ELAVL4: variants seen among roughly 807,000 people sequenced by gnomAD.
The protein encoded by ELAVL4 is ELAV like RNA binding protein 4.
Under a neutral mutation model 35.6 loss-of-function variants are expected in ELAVL4, and 1 was observed. That is an observed-to-expected ratio of 0.03 (90% CI 0.01 to 0.13). The LOEUF is 0.13. Ranked by LOEUF, ELAVL4 falls within the 10% of genes least tolerant of loss-of-function variation. The pLI, the probability that ELAVL4 is intolerant of heterozygous loss-of-function variation, is 1.00. For missense variants in ELAVL4, 267 were observed against 464.9 expected, an observed-to-expected ratio of 0.57 and a Z score of 3.91; for synonymous variants, 156 against 171.0, an observed-to-expected ratio of 0.91 and a Z score of 0.69.
At chr1:50,196,694 C>T (rs1557867714) in intron 5 of ELAVL4, among the ~76,000 whole-genome samples, 1 of 152,136 alleles carries the variant, frequency 6.6e-6, no homozygotes, top group African/African-American at 2.4e-5. Context: ...TTAATGATTT[C>T]ATGAAGAGTC....
intron 1 of ELAVL4, among the ~76,000 whole-genome samples, chr1:50,089,021 T>C (rs1000921990): frequency 1.3e-5 from 2 of 152,102 alleles, no homozygotes; most frequent in African/African-American, 4.8e-5. Flanking sequence ...AGGCTTGAAG[T>C]CTCCACAGCA....
At chr1:50,150,254 C>G (rs2148710991) in intron 2 of ELAVL4, among the ~76,000 whole-genome samples, 1 of 152,274 alleles carries the variant, frequency 6.6e-6, no homozygotes, top group Non-Finnish European at 1.5e-5. Context: ...TCCTAAACAC[C>G]ACTTCTAATC....
Position 50,116,771 on chromosome 1 carries a change from C to T in ELAVL4, c.9+7573C>T, listed in dbSNP as rs1218890542. Among the ~76,000 whole-genome samples, 5 of 152,094 alleles carry T rather than the reference C, an allele frequency of 3.3e-5. No homozygotes were observed. The East Asian group carries it at 9.7e-4, about 29-fold the overall frequency. ...TAAAAGGGAGTAAATGACCAAGTCC[C>T]TGAAATTTGTGATTTTTACCAGATT... On this transcript the variant is annotated intron_variant, in intron 1 of 6. Transcript: ENST00000371824.
chr1:50,172,385 G>C (rs1679172114), intron 2 of ELAVL4, among the ~76,000 whole-genome samples: 2 of 152,066 alleles, frequency 1.3e-5, no homozygotes, highest in East Asian at 3.9e-4. Context: ...TACATTTCAG[G>C]GTCTCAGAAT....
At position 50,120,079 on chromosome 1, in the gene ELAVL4, A is replaced by ATG. The variant is rs10687923; in HGVS notation, c.9+10881_9+10882insTG. On this transcript the variant is annotated intron_variant, in intron 1 of 6. Coordinates refer to ENST00000371824, the MANE Select transcript of ELAVL4 (RefSeq NM_001144774.3). Reference sequence around the variant, plus strand: ...TCAACAAATATATATATATATATATAGCATGTCTGTTGCATATAAACCATA... The same window carrying ATG: ...TCAACAAATATATATATATATATATATGGCATGTCTGTTGCATATAAACCATA... 1.4e-3 allele frequency among the ~76,000 whole-genome samples: 207 copies of ATG among 151,474 alleles called. 2 individuals carry two copies. Among genetic ancestry groups the ATG allele is most frequent in the Non-Finnish European group, 2.2e-3 (151 of 67,832 alleles).
chr1:50,094,658 C>G (rs927242634), intron 1 of ELAVL4, among the ~76,000 whole-genome samples: 8 of 151,928 alleles, frequency 5.3e-5, no homozygotes, highest in Non-Finnish European at 1.0e-4. Context: ...GTAATCCCAG[C>G]ACTTTGGGAG....
intron 1 of ELAVL4, among the ~76,000 whole-genome samples, chr1:50,136,306 A>G (rs1412806922): frequency 1.3e-5 from 2 of 152,184 alleles, no homozygotes; most frequent in African/African-American, 4.8e-5. Flanking sequence ...GGTGGGTGAG[A>G]TGCAGTAGTC....
intron 1 of ELAVL4, among the ~76,000 whole-genome samples, chr1:50,050,562 C>T (rs1663300750): frequency 6.6e-6 from 1 of 152,104 alleles, no homozygotes; most frequent in Admixed American, 6.5e-5. Flanking sequence ...TAATAGCATA[C>T]CTTCTTCGTA....
intron 1 of ELAVL4, among the ~76,000 whole-genome samples, chr1:50,136,015 C>A (rs1250973517): frequency 6.6e-6 from 1 of 151,998 alleles, no homozygotes; most frequent in Non-Finnish European, 1.5e-5. Flanking sequence ...GAATCATAAC[C>A]AGGAAAGTGT....
At chr1:50,051,380 G>T (rs1038961155) in intron 1 of ELAVL4, among the ~76,000 whole-genome samples, 25 of 152,112 alleles carry the variant, frequency 1.6e-4, no homozygotes, top group Non-Finnish European at 3.5e-4. Context: ...TGAATGTAAG[G>T]GGCGAATGAA....
chr1:50,164,018 C>T (rs890492545), intron 2 of ELAVL4, among the ~76,000 whole-genome samples: 1 of 152,124 alleles, frequency 6.6e-6, no homozygotes, highest in Non-Finnish European at 1.5e-5. Context: ...CCCTCTGGGC[C>T]GTAATGGGCC....
At chr1:50,082,657 T>G (rs2148497485) in intron 1 of ELAVL4, among the ~76,000 whole-genome samples, 1 of 152,316 alleles carries the variant, frequency 6.6e-6, no homozygotes, top group African/African-American at 2.4e-5. Flanking sequence ...GAAGTCATGA[T>G]TTTACCTATT....
At chr1:50,179,792 G>T (rs558619648) in intron 3 of ELAVL4, 1 of 152,152 alleles carries the variant, frequency 6.6e-6, no homozygotes, top group African/African-American at 2.4e-5. Context: ...CACAAAGTAG[G>T]TTCAGGCAAA....
chr1:50,106,783 T>A (rs546594441), upstream of ELAVL4, among the ~76,000 whole-genome samples: 6 of 152,268 alleles, frequency 3.9e-5, no homozygotes, highest in African/African-American at 7.2e-5. Context: ...GGAAAAGTGA[T>A]CAATATACAA....
At chr1:50,143,110 G>A (rs1673099022) in intron 1 of ELAVL4, among the ~76,000 whole-genome samples, 1 of 152,166 alleles carries the variant, frequency 6.6e-6, no homozygotes, top group Admixed American at 6.5e-5. Flanking sequence ...AAATGACAGG[G>A]ATGGAGAACC....
At chr1:50,177,330 T>C in intron 3 of ELAVL4, 138 bp downstream of exon 3, 5 of 670,118 alleles carry the variant, frequency 7.5e-6, no homozygotes, top group Non-Finnish European at 1.0e-5. Context: ...TCCACTATAC[T>C]AAATGGGAGA....
At chr1:50,091,564 G>C (rs1191604915) in intron 1 of ELAVL4, among the ~76,000 whole-genome samples, 2 of 152,108 alleles carry the variant, frequency 1.3e-5, no homozygotes, top group East Asian at 3.9e-4. Flanking sequence ...AAGAGAAGAA[G>C]AAACTCACCC....
intron 3 of ELAVL4, among the ~76,000 whole-genome samples, chr1:50,183,470 G>A (rs562863386): frequency 1.3e-5 from 2 of 152,144 alleles, no homozygotes; most frequent in Admixed American, 6.5e-5. Context: ...GAAGGGGAAG[G>A]TGTGTGAGGG....
At chr1:50,181,902 C>T (rs1044082372) in intron 3 of ELAVL4, among the ~76,000 whole-genome samples, 5 of 152,156 alleles carry the variant, frequency 3.3e-5, no homozygotes, top group Non-Finnish European at 5.9e-5. Context: ...AGTCTGGTTG[C>T]GAACTCCTGA....
Sources: allele counts gnomAD v4.1 joint callset (sites outside exome capture counted in the v4.1 genomes callset), GRCh38; gene constraint gnomAD v4.1.1; transcripts MANE v1.5; gene names NCBI Gene and HGNC (gene_info 2026-07-23, HGNC 2026-07-21).